Variants in DOCK9 observed in about 807,000 individuals in gnomAD.
The protein encoded by DOCK9 is dedicator of cytokinesis protein 9.
Under a neutral mutation model 263.3 loss-of-function variants are expected in DOCK9, and 89 were observed. The observed-to-expected ratio is 0.34, with a 90% confidence interval of 0.28 to 0.40. The LOEUF (loss-of-function observed/expected upper bound fraction) is 0.40. Ranked by LOEUF, DOCK9 falls within the 10% of genes least tolerant of loss-of-function variation. DOCK9 has a pLI of 1.00. For synonymous variants in DOCK9, 976 were observed against 973.1 expected (o/e 1.00, Z -0.06); for missense variants, 2,140 against 2,603.4 (o/e 0.82, Z 3.87).
At chr13:99,001,085 T>G (rs1882207888) in intron 1 of DOCK9, among the ~76,000 whole-genome samples, 1 of 152,234 alleles carries the variant, frequency 6.6e-6, no homozygotes, top group South Asian at 2.1e-4. Flanking sequence ...AGGAAAGGCC[T>G]TCAGCCTGAG....
At chr13:98,812,127 ATTTT>A (rs56880707) in intron 45 of DOCK9, among the ~76,000 whole-genome samples, 5 of 77,640 alleles carry the variant, frequency 6.4e-5, no homozygotes, top group Admixed American at 1.5e-4. Flanking sequence ...AAACCACAGG[ATTTT>A]TTTTTTTTTT....
rs2092782043 is a variant in DOCK9 at position 98,831,965 on chromosome 13, A to G, written c.4315-179T>C. The G allele has an allele frequency of 4.2e-6, 3 of 720,476 alleles. No homozygotes were observed. In the East Asian group the frequency reaches 8.2e-5, roughly 20 times the overall value. The allele number at this position is 720,476 out of a possible 1,614,324, so 44.6% of individuals were successfully genotyped here. A position where few individuals can be genotyped will look rare whatever the true frequency, so the allele number is the denominator to read the frequency against. Reference sequence around the variant, plus strand: ...CTTTTGTAGAACAAGCAAATCTATCAATACATTTATGTTTTGGGGATGAAC... The same window carrying G: ...CTTTTGTAGAACAAGCAAATCTATCGATACATTTATGTTTTGGGGATGAAC... On this transcript the variant is annotated intron_variant, in intron 39 of 52. Transcript: ENST00000682017.
chr13:98,906,908 GATGGCTC>G (rs1420311058), intron 9 of DOCK9, among the ~76,000 whole-genome samples: 1 of 152,126 alleles, frequency 6.6e-6, no homozygotes, highest in African/African-American at 2.4e-5. Flanking sequence ...TAAACAAGAT[GATGGCTC>G]AAGTCTGTTG....
At chr13:99,037,147 T>A (rs555301440) in intron 1 of DOCK9, among the ~76,000 whole-genome samples, 3 of 152,182 alleles carry the variant, frequency 2.0e-5, no homozygotes, top group South Asian at 2.1e-4. Context: ...GTGTATTTCA[T>A]TACAATAAAA....
At chr13:99,086,773 G>T (rs2390186), upstream of DOCK9, 41,224 of 148,032 alleles carry the variant, frequency 0.28, 6,092 homozygotes, top group East Asian at 0.44. Context: ...GGCCAGGCAG[G>T]TCGGCGCGGC....
chr13:98,870,014 A>G, intron 27 of DOCK9, among the ~76,000 whole-genome samples: 1 of 152,336 alleles, frequency 6.6e-6, no homozygotes. Context: ...CCAACTCATG[A>G]TTGTCCAAGA....
upstream of DOCK9, chr13:99,088,018 AAGTGGT>A (rs1481648353): frequency 6.6e-6 from 1 of 152,240 alleles, no homozygotes; most frequent in East Asian, 1.9e-4. Context: ...CGTAATCTTA[AAGTGGT>A]AGGGGAAAAT....
chr13:98,883,698 G>T, intron 22 of DOCK9, 115 bp downstream of exon 22: 1 of 621,864 alleles, frequency 1.6e-6, no homozygotes, highest in South Asian at 2.5e-5. Flanking sequence ...TTTAGAAAAA[G>T]ATCTATAGAG....
chr13:99,084,573 T>C (rs1162493591), intron 1 of DOCK9, among the ~76,000 whole-genome samples: 2 of 152,334 alleles, frequency 1.3e-5, no homozygotes, highest in East Asian at 3.9e-4. Context: ...TCACCATTAG[T>C]AGGCCATCCT....
At chr13:98,977,668 C>A (rs1230186035) in intron 1 of DOCK9, 116 bp downstream of exon 1, 7 of 925,000 alleles carry the variant, frequency 7.6e-6, no homozygotes, top group Non-Finnish European at 1.1e-5. Flanking sequence ...TCACAAGGGA[C>A]AAGCAGAGCA....
intron 5 of DOCK9, 99 bp from the exon 6 acceptor site, chr13:98,922,245 G>C: frequency 1.2e-6 from 1 of 801,276 alleles, no homozygotes; most frequent in Non-Finnish European, 2.0e-6. Context: ...TTTGTGCCAA[G>C]TTGTCCATTG....
chr13:98,810,034 G>T, intron 46 of DOCK9, 135 bp downstream of exon 46: 1 of 1,246,582 alleles, frequency 8.0e-7, no homozygotes, highest in Non-Finnish European at 1.1e-6. Context: ...CACCTTCAGC[G>T]TAACGTGGAG....
chr13:99,015,958 C>T (rs192061704), intron 1 of DOCK9: 9 of 215,912 alleles, frequency 4.2e-5, no homozygotes, highest in East Asian at 1.6e-4. Context: ...GGAAAACTGC[C>T]GGCTCCTGTG....
At chr13:98,910,565 A>C (rs1026208877) in intron 9 of DOCK9, among the ~76,000 whole-genome samples, 1 of 152,196 alleles carries the variant, frequency 6.6e-6, no homozygotes, top group Non-Finnish European at 1.5e-5. Flanking sequence ...TTATTTTTGC[A>C]CTGAAACAAC....
At chr13:98,978,454 C>T (rs1245914893), upstream of DOCK9, among the ~76,000 whole-genome samples, 2 of 152,128 alleles carry the variant, frequency 1.3e-5, no homozygotes, top group African/African-American at 2.4e-5. Flanking sequence ...GGAAGAGCTA[C>T]CAGCAAGTAT....
At chr13:98,861,516 GAGA>G (rs1402486239) in intron 32 of DOCK9, among the ~76,000 whole-genome samples, 1 of 152,218 alleles carries the variant, frequency 6.6e-6, no homozygotes, top group Admixed American at 6.5e-5. Flanking sequence ...GCATCAGAAA[GAGA>G]AGGAGTGCAG....
intron 32 of DOCK9, among the ~76,000 whole-genome samples, chr13:98,861,683 T>A (rs894837932): frequency 6.6e-6 from 1 of 152,180 alleles, no homozygotes; most frequent in Non-Finnish European, 1.5e-5. Flanking sequence ...GAATCCTTTT[T>A]AAAAAACAAT....
chr13:99,087,075 G>C (rs916829667), upstream of DOCK9, among the ~76,000 whole-genome samples: 1 of 147,208 alleles, frequency 6.8e-6, no homozygotes, highest in East Asian at 1.9e-4. Flanking sequence ...GGCCTCTGCG[G>C]GGACAGAGGT....
intron 1 of DOCK9, among the ~76,000 whole-genome samples, chr13:99,017,688 T>A (rs1286118475): frequency 6.6e-6 from 1 of 152,204 alleles, no homozygotes; most frequent in Non-Finnish European, 1.5e-5. Context: ...GGAAGAAGAA[T>A]AATTGTCTCG....
Sources: gnomAD v4.1 joint callset for allele counts (sites outside exome capture counted in the v4.1 genomes callset) on GRCh38, gnomAD v4.1.1 for gene constraint, MANE v1.5 for transcripts, NCBI Gene and HGNC (gene_info 2026-07-23, HGNC 2026-07-21) for gene names.